The following MCTP2 variants were observed in gnomAD, a reference collection of about 807,000 sequenced individuals.
MCTP2 encodes the protein multiple C2 and transmembrane domain-containing protein 2.
In MCTP2, 132 loss-of-function variants were observed where a neutral mutation model predicts 111.6. That is an observed-to-expected ratio of 1.18 (90% CI 1.03 to 1.37). MCTP2 has a LOEUF of 1.37. MCTP2 is among the 40% of genes most tolerant of loss of function. The probability of loss-of-function intolerance (pLI) is 0.00; values close to 1 mark genes in which losing one functional copy is unlikely to be tolerated. For synonymous variants in MCTP2, 395 were observed against 387.7 expected (o/e 1.02, Z -0.22); for missense variants, 1,183 against 1,067.9 (o/e 1.11, Z -1.50).
At chr15:94,376,338 A>G (rs745330760) in intron 12 of MCTP2, among the ~76,000 whole-genome samples, 1 of 152,204 alleles carries the variant, frequency 6.6e-6, no homozygotes, top group Non-Finnish European at 1.5e-5. Flanking sequence ...TTCACTGAAG[A>G]TAAAAATTAG....
At chr15:94,428,132 C>T (rs1457896335) in intron 17 of MCTP2, among the ~76,000 whole-genome samples, 1 of 152,054 alleles carries the variant, frequency 6.6e-6, no homozygotes, top group East Asian at 1.9e-4. Context: ...TGCCTTTATA[C>T]TTGGGGCAGT....
chr15:94,348,717 C>A (rs146456512), intron 8 of MCTP2, among the ~76,000 whole-genome samples: 2 of 151,264 alleles, frequency 1.3e-5, no homozygotes, highest in African/African-American at 4.9e-5. Flanking sequence ...CAAGTAAAAC[C>A]CTCTTGCAGG....
intron 12 of MCTP2, among the ~76,000 whole-genome samples, chr15:94,370,854 C>T (rs1185266583): frequency 6.6e-6 from 1 of 152,176 alleles, no homozygotes; most frequent in African/African-American, 2.4e-5. Flanking sequence ...ATGACAGATG[C>T]TATTTACCAA....
In MCTP2 at chr15:94,476,601, CTGACAGATAGATAGAT is replaced by C. The variant is rs1024466701; in HGVS notation, c.2471-94_2471-79del. ...AGATGCTAGATAGATAGATGATTGA[CTGACAGATAGATAGAT>C]AGATAGATAGATAGATAGATAGATA... On this transcript the variant is annotated intron_variant, in intron 21 of 22. Coordinates refer to ENST00000357742, the MANE Select transcript of MCTP2 (RefSeq NM_001385001.1). 1.2e-3 allele frequency: 889 copies of C among 748,414 alleles called. 12 individuals are homozygous for C. The East Asian group carries it at 0.021, about 18-fold the overall frequency. 46.4% of individuals were successfully genotyped at this position (748,414 alleles called of 1,614,324 possible). A position where few individuals can be genotyped will look rare whatever the true frequency, so the allele number is the denominator to read the frequency against.
intron 1 of MCTP2, among the ~76,000 whole-genome samples, chr15:94,268,840 T>C (rs1332129344): frequency 4.0e-5 from 6 of 151,560 alleles, no homozygotes. Flanking sequence ...ACTTTTTAAG[T>C]GATTCTTATT....
Position 94,442,935 on chromosome 15 carries a change from A to T in MCTP2, c.2225A>T (p.Asp742Val). ...IQDSQESTDIDDEEDEDDKES... is the reference protein window; with the variant it reads ...IQDSQESTDIVDEEDEDDKES... Reference sequence around the variant, plus strand: ...TCCTTTCAGGAGAGCACAGACATAGATGACGAGGAGGATGAAGATGACAAG... The same window carrying T: ...TCCTTTCAGGAGAGCACAGACATAGTTGACGAGGAGGATGAAGATGACAAG... The change falls in exon 19 of 23, where the codon GAT becomes GTT. Residue 742 changes from aspartate to valine, a missense_variant. Physicochemically the swap from Asp to Val is radical, Grantham distance 152. Coordinates refer to ENST00000357742, the MANE Select transcript of MCTP2 (RefSeq NM_001385001.1). 2 of 1,613,562 alleles carry T rather than the reference A, an allele frequency of 1.2e-6. No individual in the cohort carries two copies. Among genetic ancestry groups the T allele is most frequent in the Non-Finnish European group, 1.7e-6 (2 of 1,179,682 alleles).
intron 4 of MCTP2, among the ~76,000 whole-genome samples, chr15:94,328,403 C>T (rs1353086756): frequency 6.6e-6 from 1 of 152,164 alleles, no homozygotes; most frequent in Non-Finnish European, 1.5e-5. Flanking sequence ...GCTGGGATTC[C>T]AGGTGTGAGC....
intron 1 of MCTP2, among the ~76,000 whole-genome samples, chr15:94,282,896 G>T (rs1164722655): frequency 6.6e-6 from 1 of 152,218 alleles, no homozygotes; most frequent in South Asian, 2.1e-4. Context: ...GCCCCTCAAG[G>T]TTAAGCACCT....
intron 4 of MCTP2, among the ~76,000 whole-genome samples, chr15:94,324,209 G>C (rs775726222): frequency 2.6e-5 from 4 of 152,240 alleles, no homozygotes; most frequent in Non-Finnish European, 4.4e-5. Context: ...CTCCAGGCCT[G>C]GCTTGAACTT....
At chr15:94,421,155 T>A (rs976959188) in intron 17 of MCTP2, among the ~76,000 whole-genome samples, 3 of 152,128 alleles carry the variant, frequency 2.0e-5, no homozygotes, top group Non-Finnish European at 4.4e-5. Flanking sequence ...TTCACCTTTT[T>A]AGACATACGC....
At chr15:94,476,584 G>C (rs2074370254) in intron 21 of MCTP2, 112 bp from the exon 22 acceptor site, 2 of 696,604 alleles carry the variant, frequency 2.9e-6, no homozygotes, top group Non-Finnish European at 4.9e-6. Flanking sequence ...ATAGATGCTA[G>C]ATAGATAGAT....
At chr15:94,467,124 G>C (rs1309473486) in intron 20 of MCTP2, among the ~76,000 whole-genome samples, 4 of 152,184 alleles carry the variant, frequency 2.6e-5, no homozygotes, top group Non-Finnish European at 4.4e-5. Context: ...AGTAGATGCA[G>C]TTATTATTCC....
chr15:94,468,465 AAAT>A (rs2073604190), intron 20 of MCTP2, among the ~76,000 whole-genome samples: 2 of 151,998 alleles, frequency 1.3e-5, no homozygotes, highest in Non-Finnish European at 2.9e-5. Context: ...GCACGTTCCT[AAAT>A]AATAGCCCCA....
chr15:94,460,234 G>A (rs1458096933), intron 20 of MCTP2, among the ~76,000 whole-genome samples: 3 of 152,172 alleles, frequency 2.0e-5, no homozygotes, highest in Admixed American at 2.0e-4. Context: ...AGGCAATTCT[G>A]AAACAGAAGA....
intron 19 of MCTP2, among the ~76,000 whole-genome samples, chr15:94,447,469 A>C (rs1314989682): frequency 6.6e-6 from 1 of 152,188 alleles, no homozygotes; most frequent in Admixed American, 6.5e-5. Context: ...ATTTCGGCTC[A>C]GTGCAATCTC....
At chr15:94,257,569 GTTTTTTTTTTTTT>G (rs760633548) in intron 1 of MCTP2, among the ~76,000 whole-genome samples, 25 of 33,856 alleles carry the variant, frequency 7.4e-4, no homozygotes, top group South Asian at 2.1e-3. Context: ...TTTCTTTGTT[GTTTTTTTTTTTTT>G]TTTTTTTTTT....
chr15:94,271,108 A>G (rs1344636444), intron 1 of MCTP2, among the ~76,000 whole-genome samples: 1 of 152,164 alleles, frequency 6.6e-6, no homozygotes, highest in African/African-American at 2.4e-5. Context: ...TTCATATGCT[A>G]TTTGTGTGTA....
intron 4 of MCTP2, among the ~76,000 whole-genome samples, chr15:94,322,535 A>T (rs555330630): frequency 2.6e-5 from 4 of 152,332 alleles, no homozygotes; most frequent in African/African-American, 7.2e-5. Flanking sequence ...TTCCAATATA[A>T]ATTTATTTAC....
At chr15:94,245,302 A>G (rs1302648804) in intron 1 of MCTP2, among the ~76,000 whole-genome samples, 2 of 142,612 alleles carry the variant, frequency 1.4e-5, no homozygotes, top group Non-Finnish European at 3.0e-5. Flanking sequence ...ATATATTTAT[A>G]TACATATATG....
Sources: gnomAD v4.1 joint callset for allele counts (sites outside exome capture counted in the v4.1 genomes callset) on GRCh38, gnomAD v4.1.1 for gene constraint, MANE v1.5 for transcripts, NCBI Gene and HGNC (gene_info 2026-07-23, HGNC 2026-07-21) for gene names.